CLUH: variants seen among roughly 807,000 people sequenced by gnomAD.
The protein encoded by CLUH is clustered mitochondria protein homolog.
CLUH carries 77 observed loss-of-function variants against 139.3 expected under a neutral mutation model. The observed-to-expected ratio is 0.55, with a 90% CI of 0.46 to 0.67. The LOEUF is 0.67. Among genes scored for constraint, CLUH ranks in the 30% least tolerant of loss-of-function variants. The pLI is 0.00. For synonymous variants in CLUH, 999 were observed against 801.6 expected, an observed-to-expected ratio of 1.25 and a Z score of -4.16; for missense variants, 1,876 against 1,875.8, an observed-to-expected ratio of 1.00 and a Z score of 0.00.
chr17:2,697,754 G>C, intron 10 of CLUH, 142 bp downstream of exon 10: 1 of 811,962 alleles, frequency 1.2e-6, no homozygotes, highest in Non-Finnish European at 1.8e-6. Flanking sequence ...GGTGGGGACG[G>C]GTCTCCAATG....
Position 2,702,595 on chromosome 17 carries a change from C to T in CLUH, c.476-538G>A, listed in dbSNP as rs562952578. On this transcript the variant is annotated intron_variant, in intron 3 of 25. Transcript: ENST00000651024. ...GAGCTACAGACCTTTTCCGTCACTG[C>T]TCTCAACAGGCGGACAGGCCCTGGG... is the stretch of plus-strand genomic sequence containing the variant. Among the ~76,000 whole-genome samples, 791 of 152,334 alleles carry T rather than the reference C, an allele frequency of 5.2e-3. 3 individuals carry two copies. The highest frequency in any genetic ancestry group is 0.016 in the African/African-American group (664 of 41,574).
At chr17:2,694,783 G>A (rs533201606) in intron 16 of CLUH, 74 bp downstream of exon 16, 9 of 1,454,060 alleles carry the variant, frequency 6.2e-6, no homozygotes, top group African/African-American at 2.9e-5. Context: ...GGCCTTAGAC[G>A]CCATCTGGGA....
intron 7 of CLUH, 81 bp from the exon 8 acceptor site, chr17:2,700,906 G>A (rs575911924): frequency 2.1e-5 from 31 of 1,467,720 alleles, no homozygotes; most frequent in African/African-American, 1.6e-4. Flanking sequence ...TGAGGCCCCC[G>A]CCTGCTCCGG....
At position 2,698,496 on chromosome 17, in the gene CLUH, A is replaced by G. The variant is rs759389438; in HGVS notation, c.1361T>C (p.Met454Thr). 19 of 1,613,142 alleles carry G rather than the reference A, an allele frequency of 1.2e-5. No individual in the cohort carries two copies. Among genetic ancestry groups the G allele is most frequent in the Non-Finnish European group, 1.6e-5 (19 of 1,179,778 alleles). Residue 454 changes from methionine (M) to threonine (T), a missense_variant, in exon 10 of 26, where the codon ATG becomes ACG. Met to Thr is a moderately conservative substitution (Grantham distance 81, BLOSUM62 -1). Transcript: ENST00000651024. ...MAINPSEETK[M>T]QMFIWNNIFF... Reference sequence around the variant, plus strand: ...GATGTTGTTCCAGATGAACATCTGCATCTTGGTCTCCTCGCTGGGGTTGAT... The same window carrying G: ...GATGTTGTTCCAGATGAACATCTGCGTCTTGGTCTCCTCGCTGGGGTTGAT...
Position 2,707,153 on chromosome 17 carries a change from C to T in CLUH, c.101-2589G>A. 1 of 984,938 alleles carries T rather than the reference C, an allele frequency of 1.0e-6. No homozygotes were observed. The allele number at this position is 984,938 out of a possible 1,614,324, so 61.0% of individuals were successfully genotyped here. Reference sequence around the variant, plus strand: ...CTCCCCCGCAGGCAGCTGGCTGGCTCACCAGGTCCCGGTGCTCACCTGGTG... The same window carrying T: ...CTCCCCCGCAGGCAGCTGGCTGGCTTACCAGGTCCCGGTGCTCACCTGGTG... On this transcript the variant is annotated intron_variant, in intron 1 of 25. Transcript: ENST00000651024. The surrounding 1 kb of genome is among the most constrained non-coding windows in gnomAD (Gnocchi z 7.4).
At chr17:2,708,334 T>C (rs554007482) in intron 1 of CLUH, among the ~76,000 whole-genome samples, 54 of 152,244 alleles carry the variant, frequency 3.5e-4, no homozygotes, top group African/African-American at 1.1e-3. Context: ...TACCCTCTCC[T>C]GAAATACACC....
Position 2,700,805 on chromosome 17 carries a change from T to C in CLUH, c.1046A>G (p.Glu349Gly). The C allele has an allele frequency of 1.3e-6, 2 of 1,527,954 alleles. No homozygotes were observed. Among genetic ancestry groups the C allele is most frequent in the Non-Finnish European group, 1.7e-6 (2 of 1,143,354 alleles). The allele number at this position is 1,527,954 out of a possible 1,614,324, so 94.6% of individuals were successfully genotyped here. A position where few individuals can be genotyped will look rare whatever the true frequency, so the allele number is the denominator to read the frequency against. ...QKKRVQRHPFERIATPFQVYS... is the reference protein window; with the variant it reads ...QKKRVQRHPFGRIATPFQVYS... ...CACCTGGAATGGGGTGGCGATCCTCTCGAACGGGTGGCGCTGGACCCTGTG... is the reference window on the plus strand; with the variant it reads ...CACCTGGAATGGGGTGGCGATCCTCCCGAACGGGTGGCGCTGGACCCTGTG... The change falls in exon 8 of 26, where the codon GAG becomes GGG. Residue 349 changes from glutamate to glycine, a missense_variant. Around this residue, in one of 3 missense-constraint regions of CLUH, gnomAD observed 270 missense variants for 354.7 expected, o/e 0.76. Coordinates refer to ENST00000651024, the MANE Select transcript of CLUH (RefSeq NM_001366661.1).
intron 1 of CLUH, chr17:2,708,076 G>A (rs1478277849): frequency 2.1e-5 from 19 of 906,140 alleles, no homozygotes; most frequent in African/African-American, 3.6e-5. Flanking sequence ...GCACGGCGGG[G>A]GAGGAGGTGC....
chr17:2,696,033 C>T (rs2151702354), intron 13 of CLUH, 126 bp downstream of exon 13: 2 of 757,512 alleles, frequency 2.6e-6, no homozygotes, highest in Admixed American at 4.7e-5. Context: ...AACGGGGATG[C>T]CCACTCAGGG....
Position 2,692,577 on chromosome 17 carries a change from C to T in CLUH, c.3432G>A (p.Leu1144=). 6.2e-7 allele frequency: 1 copy of T among 1,611,494 alleles called. No individual in the cohort carries two copies. ...CCCCCGCCCCAGCACTCACGTCCAG[C>T]AGCGCCATCTCGGGGTGGTCTTCCC... ...VFGEDHPEMA[L]LDNNIGLVLH... Residue 1144 remains leucine (L), a synonymous_variant, in exon 21 of 26, where the codon CTG becomes CTA. Coordinates refer to ENST00000651024, the MANE Select transcript of CLUH (RefSeq NM_001366661.1).
At position 2,696,820 on chromosome 17, in the gene CLUH, G is replaced by A. The variant is rs767303195; in HGVS notation, c.2084C>T (p.Pro695Leu). 10 of 1,613,556 alleles carry A rather than the reference G, an allele frequency of 6.2e-6. No homozygotes were observed. In the South Asian group the frequency reaches 9.9e-5, roughly 16 times the overall value. Reference sequence around the variant, plus strand: ...CTCACTTCCCGCCTCCTGTCCTGGAGGATCCTCAGACTTGGACTCCAAGGA... The same window carrying A: ...CTCACTTCCCGCCTCCTGTCCTGGAAGATCCTCAGACTTGGACTCCAAGGA... ...PSSLESKSED[P>L]PGQEAGSEEE... The change falls in exon 11 of 26, where the codon CCT (proline) becomes CTT (leucine). Residue 695 changes from proline (P) to leucine (L), a missense_variant. Coordinates refer to ENST00000651024, the MANE Select transcript of CLUH (RefSeq NM_001366661.1).
chr17:2,696,443 A>T lies in CLUH; in HGVS notation c.2281T>A (p.Phe761Ile), dbSNP rs943716413. The T allele has an allele frequency of 5.0e-6, 8 of 1,589,660 alleles. No individual in the cohort carries two copies. Among genetic ancestry groups the T allele is most frequent in the East Asian group, 2.3e-5 (1 of 43,516 alleles). The change falls in exon 12 of 26, where the codon TTC (phenylalanine) becomes ATC (isoleucine). Residue 761 changes from phenylalanine (F) to isoleucine (I), a missense_variant. Around this residue, in one of 3 missense-constraint regions of CLUH, gnomAD observed 1,454 missense variants for 1,384.4 expected, o/e 1.05. Transcript: ENST00000651024. ...GGCCCCCACCACCTGCCTGGTGAGA[A>T]GATGTCAGGATTGAAGCGAATGTCG... ...AFDIRFNPDIFSPGVRFPESC... is the reference protein window; with the variant it reads ...AFDIRFNPDIISPGVRFPESC...
Position 2,692,549 on chromosome 17 carries a change from GC to G in CLUH, c.3438+21del, listed in dbSNP as rs369293762. ...CCTGGGATGGAGCTGGGTCCCTGCC[GC>G]CCCCCCGCCCCAGCACTCACGTCCA... On this transcript the variant is annotated intron_variant, in intron 21 of 25. Transcript: ENST00000651024. 33 of 1,598,460 alleles carry G rather than the reference GC, an allele frequency of 2.1e-5. No homozygotes were observed. In the East Asian group the frequency reaches 5.4e-4, roughly 26 times the overall value.
chr17:2,694,724 T>C, intron 16 of CLUH, 133 bp downstream of exon 16: 1 of 1,360,844 alleles, frequency 7.3e-7, no homozygotes, highest in Non-Finnish European at 9.9e-7. Flanking sequence ...CACCCAGTGA[T>C]CTCCACAGCT....
Position 2,707,641 on chromosome 17 carries a change from G to C in CLUH, c.101-3077C>G. The C allele has an allele frequency of 4.1e-6, 4 of 985,396 alleles. No individual in the cohort carries two copies. Among genetic ancestry groups the C allele is most frequent in the Non-Finnish European group, 4.8e-6 (4 of 829,896 alleles). 61.0% of individuals were successfully genotyped at this position (985,396 alleles called of 1,614,324 possible). A position where few individuals can be genotyped will look rare whatever the true frequency, so the allele number is the denominator to read the frequency against. On this transcript the variant is annotated intron_variant, in intron 1 of 25. Transcript: ENST00000651024. This position sits in a 1 kb window ranked among gnomAD's most constrained non-coding sequence, Gnocchi z 7.4. ...GACTGGCTGGCAGGGGCAGGGCCCA[G>C]CAAGGGGGTCCTCTCCTCCGCTCCC... is the stretch of plus-strand genomic sequence containing the variant.
In CLUH at chr17:2,706,471, G is replaced by A. The variant is rs866292155; in HGVS notation, c.101-1907C>T. 6.6e-6 allele frequency among the ~76,000 whole-genome samples: 1 copy of A among 152,020 alleles called. No individual in the cohort carries two copies. Among genetic ancestry groups the A allele is most frequent in the Non-Finnish European group, 1.5e-5 (1 of 68,006 alleles). Reference sequence around the variant, plus strand: ...GCACTCCCTCAACTCTGGCCACTGAGGACCTTCAGTAACTGTGCATGTCAT... The same window carrying A: ...GCACTCCCTCAACTCTGGCCACTGAAGACCTTCAGTAACTGTGCATGTCAT... On this transcript the variant is annotated intron_variant, in intron 1 of 25. Transcript: ENST00000651024. This position sits in a 1 kb window ranked among gnomAD's most constrained non-coding sequence, Gnocchi z 4.6.
intron 3 of CLUH, 41 bp from the exon 4 acceptor site, chr17:2,702,098 T>C: frequency 3.1e-6 from 5 of 1,601,078 alleles, no homozygotes; most frequent in Non-Finnish European, 3.4e-6. Context: ...ACCAGGGCCC[T>C]GCACCCTGAA....
intron 5 of CLUH, 37 bp downstream of exon 5, chr17:2,701,576 G>A (rs767880385): frequency 1.3e-5 from 21 of 1,610,506 alleles, no homozygotes; most frequent in South Asian, 8.8e-5. Context: ...CCTCCACCCC[G>A]CCAGGGACCC....
chr17:2,701,009 C>A, intron 7 of CLUH, 131 bp downstream of exon 7: 1 of 1,511,236 alleles, frequency 6.6e-7, no homozygotes, highest in Non-Finnish European at 8.9e-7. Context: ...CGACAGCTCC[C>A]TAGAGCGGGG....
Sources: gnomAD v4.1 joint callset for allele counts (sites outside exome capture counted in the v4.1 genomes callset) on GRCh38, gnomAD v4.1.1 for gene constraint, gnomAD v4.1.1 regional missense constraint, Gnocchi (gnomAD v3.1) non-coding constraint, MANE v1.5 for transcripts, NCBI Gene and HGNC (gene_info 2026-07-23, HGNC 2026-07-21) for gene names.